Variants in XKR4 observed in about 807,000 individuals in gnomAD.
XKR4 encodes the protein XK related 4, also known as XK-related protein 4.
In XKR4, 12 loss-of-function variants were observed where a neutral mutation model predicts 53.9. The ratio of observed to expected loss-of-function variants is 0.22; its 90% CI spans 0.14 to 0.36. XKR4 has a LOEUF of 0.36. XKR4 is among the 10% of genes least tolerant of loss of function. XKR4 has a pLI of 1.00. For synonymous variants in XKR4, 354 were observed against 362.4 expected (o/e 0.98, Z 0.26); for missense variants, 799 against 859.5 (o/e 0.93, Z 0.88).
chr8:55,472,407 T>A (rs1805902067), intron 2 of XKR4, among the ~76,000 whole-genome samples: 1 of 152,158 alleles, frequency 6.6e-6, no homozygotes, highest in East Asian at 1.9e-4. Flanking sequence ...GTTCTATTTT[T>A]AAAAATAAGT....
At chr8:55,264,439 T>C (rs1818570864) in intron 1 of XKR4, among the ~76,000 whole-genome samples, 1 of 152,222 alleles carries the variant, frequency 6.6e-6, no homozygotes, top group African/African-American at 2.4e-5. Context: ...TTAGGAAATA[T>C]TTGATGTAAG....
intron 1 of XKR4, among the ~76,000 whole-genome samples, chr8:55,279,908 A>G (rs894009597): frequency 1.2e-4 from 18 of 152,218 alleles, no homozygotes; most frequent in Non-Finnish European, 2.6e-4. Context: ...CTCTTCTCTT[A>G]AATGTAAACC....
At chr8:55,248,970 C>T (rs1348319042) in intron 1 of XKR4, among the ~76,000 whole-genome samples, 6 of 152,128 alleles carry the variant, frequency 3.9e-5, no homozygotes, top group African/African-American at 7.2e-5. Context: ...ATCTATCCTT[C>T]GCAGATTCCT....
chr8:55,392,584 A>G (rs578237591), intron 2 of XKR4, among the ~76,000 whole-genome samples: 1 of 152,290 alleles, frequency 6.6e-6, no homozygotes, highest in South Asian at 2.1e-4. Context: ...TGAGGCTAGG[A>G]GTTTGAGACC....
intron 1 of XKR4, among the ~76,000 whole-genome samples, chr8:55,238,753 T>C (rs1049299693): frequency 2.0e-5 from 3 of 152,142 alleles, no homozygotes; most frequent in African/African-American, 7.2e-5. Flanking sequence ...TGGGTCCCAG[T>C]CAGCAGTCTG....
At chr8:55,185,253 C>T (rs536044988) in intron 1 of XKR4, among the ~76,000 whole-genome samples, 30 of 152,272 alleles carry the variant, frequency 2.0e-4, no homozygotes, top group South Asian at 6.2e-4. Flanking sequence ...ACTATGTAAA[C>T]GACATGGAAT....
intron 1 of XKR4, among the ~76,000 whole-genome samples, chr8:55,296,141 G>A (rs934524233): frequency 7.9e-5 from 12 of 152,176 alleles, no homozygotes; most frequent in Admixed American, 6.5e-5. Context: ...CCTCCACCAT[G>A]TGATGTTGAA....
chr8:55,355,410 T>A (rs1432399378), intron 1 of XKR4, among the ~76,000 whole-genome samples: 1 of 152,048 alleles, frequency 6.6e-6, no homozygotes, highest in African/African-American at 2.4e-5. Context: ...AGAGGAGGCA[T>A]CCAAGAAGAA....
chr8:55,129,856 A>T (rs573754650), intron 1 of XKR4, among the ~76,000 whole-genome samples: 23 of 152,280 alleles, frequency 1.5e-4, no homozygotes, highest in Non-Finnish European at 2.9e-4. Flanking sequence ...GGTTTCTGAG[A>T]CACAGAGAGG....
At chr8:55,113,573 T>C (rs1816262688) in intron 1 of XKR4, among the ~76,000 whole-genome samples, 1 of 152,326 alleles carries the variant, frequency 6.6e-6, no homozygotes, top group Middle Eastern at 3.4e-3. Flanking sequence ...ACTTGATATA[T>C]ATTTATTTAA....
chr8:55,435,581 TA>T (rs1327632546), intron 2 of XKR4, among the ~76,000 whole-genome samples: 9 of 150,554 alleles, frequency 6.0e-5, no homozygotes, highest in South Asian at 2.1e-4. Context: ...TATTTTTTTT[TA>T]ATTTTGAGAT....
chr8:55,251,289 G>A (rs1401139458), intron 1 of XKR4, among the ~76,000 whole-genome samples: 1 of 152,182 alleles, frequency 6.6e-6, no homozygotes, highest in Non-Finnish European at 1.5e-5. Context: ...TACTTTTCAG[G>A]TGTCATCCAG....
At chr8:55,179,752 T>G (rs934244974) in intron 1 of XKR4, among the ~76,000 whole-genome samples, 1 of 152,232 alleles carries the variant, frequency 6.6e-6, no homozygotes, top group Non-Finnish European at 1.5e-5. Flanking sequence ...CAGAATGGAT[T>G]ATAAGAAACA....
At chr8:55,438,706 T>C (rs1805217369) in intron 2 of XKR4, among the ~76,000 whole-genome samples, 2 of 152,072 alleles carry the variant, frequency 1.3e-5, no homozygotes, top group Admixed American at 6.6e-5. Flanking sequence ...ATATGGCTTA[T>C]TATATAAAGA....
intron 2 of XKR4, among the ~76,000 whole-genome samples, chr8:55,472,814 G>A (rs896263867): frequency 5.3e-5 from 8 of 152,072 alleles, no homozygotes; most frequent in African/African-American, 1.9e-4. Flanking sequence ...TGGGGGGTGA[G>A]GAAACGGAGG....
At chr8:55,297,788 C>G (rs1366057989) in intron 1 of XKR4, among the ~76,000 whole-genome samples, 1 of 152,232 alleles carries the variant, frequency 6.6e-6, no homozygotes, top group Non-Finnish European at 1.5e-5. Flanking sequence ...TCAACTGAAG[C>G]TTTGGGGAAG....
intron 1 of XKR4, among the ~76,000 whole-genome samples, chr8:55,347,717 T>C (rs1358690146): frequency 6.6e-6 from 1 of 152,242 alleles, no homozygotes; most frequent in Non-Finnish European, 1.5e-5. Context: ...TTAGCACTAA[T>C]GAGAGCTGGG....
rs1009474165 is a variant in XKR4, at chr8:55,493,747, G to A, written c.1007-29534G>A. Among the ~76,000 whole-genome samples the A allele has an allele frequency of 3.9e-5, 6 of 152,214 alleles. No homozygotes were observed. The East Asian group carries it at 7.7e-4, about 20-fold the overall frequency. On this transcript the variant is annotated intron_variant, in intron 2 of 2. Transcript: ENST00000327381. Reference sequence around the variant, plus strand: ...TATCTGGGCTAACCATACAGGAACAGACTGTAAAGATGACTGTGCCCTTTA... The same window carrying A: ...TATCTGGGCTAACCATACAGGAACAAACTGTAAAGATGACTGTGCCCTTTA...
At chr8:55,373,982 C>T (rs1554520860) in intron 2 of XKR4, among the ~76,000 whole-genome samples, 1 of 151,964 alleles carries the variant, frequency 6.6e-6, no homozygotes, top group Non-Finnish European at 1.5e-5. Context: ...GTCAGGAAGT[C>T]GGAGAAGTGC....
Sources: gnomAD v4.1 joint callset for allele counts (sites outside exome capture counted in the v4.1 genomes callset) on GRCh38, gnomAD v4.1.1 for gene constraint, MANE v1.5 for transcripts, NCBI Gene and HGNC (gene_info 2026-07-23, HGNC 2026-07-21) for gene names.